Variants in ARHGAP32 observed in about 807,000 individuals in gnomAD.
The protein encoded by ARHGAP32 is Rho GTPase activating protein 32.
A neutral mutation model predicts 186.5 loss-of-function variants in ARHGAP32; 51 were observed. That is an observed-to-expected ratio of 0.27 (90% CI 0.22 to 0.35). ARHGAP32 has a LOEUF of 0.35. Among genes scored for constraint, ARHGAP32 ranks in the 10% least tolerant of loss-of-function variants. ARHGAP32 has a pLI of 1.00. For missense variants in ARHGAP32, 2,186 were observed against 2,623.5 expected (o/e 0.83, Z 3.64); for synonymous variants, 950 against 964.3 (o/e 0.99, Z 0.27).
In ARHGAP32 at chr11:128,972,737, C is replaced by T. The variant is rs765986249; in HGVS notation, c.3769G>A (p.Asp1257Asn). 17 of 1,613,706 alleles carry T rather than the reference C, an allele frequency of 1.1e-5. No individual in the cohort carries two copies. The highest frequency in any genetic ancestry group is 1.6e-4 in the Middle Eastern group (1 of 6,082). ...GACCCAGAAGGAGGGTAGATTTTAT[C>T]GCTAGGTAAATTAGGAGGTGTGGGA... ...KSPTPPNLPS[D>N]KIYPPSGSPE... The change falls in exon 22 of 23, where the codon GAT (aspartate) becomes AAT (asparagine). Residue 1257 changes from aspartate (D) to asparagine (N), a missense_variant. Physicochemically the swap from Asp to Asn is conservative, Grantham distance 23. Transcript: ENST00000682385.
chr11:129,193,646 TA>T (rs1944335916), upstream of ARHGAP32, among the ~76,000 whole-genome samples: 1 of 76,506 alleles, frequency 1.3e-5, no homozygotes, highest in Admixed American at 1.9e-4. Flanking sequence ...ATATGTTATA[TA>T]ATACATATAC....
intron 6 of ARHGAP32, among the ~76,000 whole-genome samples, chr11:129,081,623 T>C (rs961214674): frequency 2.0e-5 from 3 of 151,940 alleles, no homozygotes; most frequent in East Asian, 1.9e-4. Flanking sequence ...AACTCATCTA[T>C]GACAAACCCG....
chr11:129,150,519 T>C (rs536550624), intron 2 of ARHGAP32, among the ~76,000 whole-genome samples: 64 of 152,254 alleles, frequency 4.2e-4, no homozygotes, highest in African/African-American at 1.4e-3. Context: ...AGCAGATTTG[T>C]CAGAAGAAAC....
intron 6 of ARHGAP32, among the ~76,000 whole-genome samples, chr11:129,068,461 T>C (rs900194461): frequency 1.3e-5 from 2 of 152,082 alleles, no homozygotes; most frequent in African/African-American, 4.8e-5. Flanking sequence ...CAAGTTATGA[T>C]GTACAAGCAT....
Position 128,966,685 on chromosome 11 carries a change from T to C in ARHGAP32, c.*2222A>G, listed in dbSNP as rs1004659010. The C allele has an allele frequency of 1.3e-5, 2 of 152,206 alleles. No homozygotes were observed. Among genetic ancestry groups the C allele is most frequent in the African/African-American group, 4.8e-5 (2 of 41,454 alleles). 9.4% of individuals were successfully genotyped at this position (152,206 alleles called of 1,614,324 possible). A position where few individuals can be genotyped will look rare whatever the true frequency, so the allele number is the denominator to read the frequency against. Reference sequence around the variant, plus strand: ...ATGTGTGTGACAACAAATCCACAAATATTAAAACTGGACCGGACTCCCTGG... The same window carrying C: ...ATGTGTGTGACAACAAATCCACAAACATTAAAACTGGACCGGACTCCCTGG... On this transcript the variant is annotated 3_prime_UTR_variant, in exon 23 of 23. Transcript: ENST00000682385.
intron 11 of ARHGAP32, among the ~76,000 whole-genome samples, chr11:129,033,589 A>G (rs1939202893): frequency 1.3e-5 from 2 of 152,192 alleles, no homozygotes; most frequent in African/African-American, 4.8e-5. Context: ...ATATTATGAT[A>G]AAGTTCTTCC....
chr11:129,209,327 A>G (rs1353377051), intron 1 of ARHGAP32, among the ~76,000 whole-genome samples: 1 of 152,096 alleles, frequency 6.6e-6, no homozygotes, highest in African/African-American at 2.4e-5. Flanking sequence ...GAGAGGCAAG[A>G]GAGGAAAGGG....
intron 6 of ARHGAP32, among the ~76,000 whole-genome samples, chr11:129,074,769 G>A (rs1940983450): frequency 6.6e-6 from 1 of 152,138 alleles, no homozygotes; most frequent in Non-Finnish European, 1.5e-5. Context: ...TGGGATTACA[G>A]GCATGAGCCA....
upstream of ARHGAP32, among the ~76,000 whole-genome samples, chr11:129,195,137 T>TTTG (rs893105402): frequency 6.6e-5 from 10 of 151,804 alleles, no homozygotes; most frequent in East Asian, 3.9e-4. Context: ...CCTGCTAATT[T>TTTG]TTGTTGTTGT....
chr11:129,176,726 C>A (rs945862772), intron 1 of ARHGAP32, among the ~76,000 whole-genome samples: 1 of 149,730 alleles, frequency 6.7e-6, no homozygotes, highest in Non-Finnish European at 1.5e-5. Flanking sequence ...TAAAGATGTT[C>A]TTTGAAACCA....
intron 6 of ARHGAP32, among the ~76,000 whole-genome samples, chr11:129,091,857 G>C (rs1282139715): frequency 6.6e-6 from 1 of 152,010 alleles, no homozygotes; most frequent in Non-Finnish European, 1.5e-5. Context: ...GGGTCTAATT[G>C]TATGTCTTTT....
chr11:129,122,798 A>C (rs1284855389), intron 5 of ARHGAP32, among the ~76,000 whole-genome samples: 1 of 152,088 alleles, frequency 6.6e-6, no homozygotes, highest in Non-Finnish European at 1.5e-5. Flanking sequence ...TGTAGAAATC[A>C]AGACTTTTTT....
In ARHGAP32 at chr11:129,056,898, C is replaced by T. The variant is rs560393174; in HGVS notation, c.963+5382G>A. Among the ~76,000 whole-genome samples, 591 of 152,298 alleles carry T rather than the reference C, an allele frequency of 3.9e-3. 2 individuals carry two copies. Among genetic ancestry groups the T allele is most frequent in the African/African-American group, 0.014 (565 of 41,568 alleles). ...CATCCTTGCTCCTCTTCCCTTCTCT[C>T]CTGAGAGAGGCCTGCACTAAGTCAT... On this transcript the variant is annotated intron_variant, in intron 10 of 22. Transcript: ENST00000682385.
intron 2 of ARHGAP32, among the ~76,000 whole-genome samples, chr11:129,126,333 C>G (rs1225110266): frequency 1.3e-5 from 2 of 152,118 alleles, no homozygotes; most frequent in African/African-American, 4.8e-5. Flanking sequence ...CAAAAACAGG[C>G]ATCCAACAAG....
intron 5 of ARHGAP32, among the ~76,000 whole-genome samples, chr11:129,118,093 G>A (rs1406446315): frequency 2.0e-5 from 3 of 151,834 alleles, no homozygotes; most frequent in African/African-American, 4.8e-5. Flanking sequence ...GTAGAATTTG[G>A]CCAAACTACT....
intron 5 of ARHGAP32, among the ~76,000 whole-genome samples, chr11:129,113,742 T>G (rs1019178561): frequency 1.2e-4 from 18 of 152,286 alleles, no homozygotes; most frequent in African/African-American, 4.1e-4. Context: ...GGGATCGCTA[T>G]GTATTTAATG....
intron 10 of ARHGAP32, among the ~76,000 whole-genome samples, chr11:129,051,953 C>CAAAAAAAAAA (rs36014500): frequency 1.4e-5 from 1 of 71,138 alleles, no homozygotes; most frequent in African/African-American, 5.8e-5. Context: ...GATTCTGTCT[C>CAAAAAAAAAA]AAAAAAAAAA....
At chr11:129,139,292 C>T (rs1942998817) in intron 2 of ARHGAP32, among the ~76,000 whole-genome samples, 1 of 152,086 alleles carries the variant, frequency 6.6e-6, no homozygotes, top group Non-Finnish European at 1.5e-5. Context: ...ATTAATTAAA[C>T]AGCAATAATA....
chr11:129,174,112 G>A (rs1427600837), intron 1 of ARHGAP32, among the ~76,000 whole-genome samples: 2 of 152,232 alleles, frequency 1.3e-5, no homozygotes, highest in Admixed American at 6.5e-5. Context: ...AGCAGGGCGA[G>A]GCATTGCCTC....
Sources: allele counts gnomAD v4.1 joint callset (sites outside exome capture counted in the v4.1 genomes callset), GRCh38; gene constraint gnomAD v4.1.1; transcripts MANE v1.5; gene names NCBI Gene and HGNC (gene_info 2026-07-23, HGNC 2026-07-21).